The following FRAS1 variants were observed in gnomAD, a reference collection of about 807,000 sequenced individuals.
FRAS1 encodes the protein Fraser extracellular matrix complex subunit 1, also known as extracellular matrix organizing protein FRAS1.
A neutral mutation model predicts 435.2 loss-of-function variants in FRAS1; 290 were observed. The observed-to-expected ratio is 0.67, with a 90% CI of 0.61 to 0.73. The LOEUF (loss-of-function observed/expected upper bound fraction) is 0.73. FRAS1 is among the 30% of genes least tolerant of loss of function. The probability of loss-of-function intolerance (pLI) is 0.00; values close to 1 mark genes in which losing one functional copy is unlikely to be tolerated. For missense variants in FRAS1, 4,860 were observed against 5,001.5 expected, an observed-to-expected ratio of 0.97 and a Z score of 0.85; for synonymous variants, 1,800 against 1,851.0, an observed-to-expected ratio of 0.97 and a Z score of 0.71.
intron 26 of FRAS1, among the ~76,000 whole-genome samples, chr4:78,377,759 A>G (rs1489284195): frequency 6.6e-6 from 1 of 152,158 alleles, no homozygotes; most frequent in African/African-American, 2.4e-5. Flanking sequence ...GCATCAGGAT[A>G]GGACTGTGGT....
At chr4:78,222,832 T>A (rs888489688) in intron 2 of FRAS1, among the ~76,000 whole-genome samples, 1 of 152,222 alleles carries the variant, frequency 6.6e-6, no homozygotes, top group Admixed American at 6.5e-5. Flanking sequence ...GCCAATTGAC[T>A]AGTACTGTCA....
In FRAS1 at chr4:78,481,827, C is replaced by T. The variant is rs372605917; in HGVS notation, c.8467C>T (p.Arg2823Cys). The change falls in exon 57 of 74, where the codon CGC becomes TGC. Residue 2823 changes from arginine to cysteine, a missense_variant. Arg to Cys is a radical substitution (Grantham distance 180). Coordinates refer to ENST00000512123, the MANE Select transcript of FRAS1 (RefSeq NM_025074.7). The part of the protein sequence containing the change: ...DAGTVKIPVI[R>C]HGTDLSTFAS... ...AGGCACAGTAAAGATTCCAGTTATC[C>T]GCCATGGTACTGACCTCTCTACTTT... 18 of 1,613,712 alleles carry T rather than the reference C, an allele frequency of 1.1e-5. No individual in the cohort carries two copies. The highest frequency in any genetic ancestry group is 4.5e-5 in the East Asian group (2 of 44,876).
chr4:78,183,329 A>G (rs1722117332), intron 2 of FRAS1, among the ~76,000 whole-genome samples: 1 of 152,182 alleles, frequency 6.6e-6, no homozygotes, highest in Non-Finnish European at 1.5e-5. Flanking sequence ...AAAGTCTCCA[A>G]CCACAAGAAC....
intron 67 of FRAS1, among the ~76,000 whole-genome samples, chr4:78,519,949 ATTG>A (rs1244542534): frequency 6.6e-6 from 1 of 152,194 alleles, no homozygotes; most frequent in East Asian, 1.9e-4. Flanking sequence ...CTGCTCTTTA[ATTG>A]CATCCTCCAA....
chr4:78,363,281 A>G (rs1475399096), intron 20 of FRAS1, among the ~76,000 whole-genome samples: 1 of 152,208 alleles, frequency 6.6e-6, no homozygotes, highest in Non-Finnish European at 1.5e-5. Flanking sequence ...TCCGTTGGAA[A>G]GGGATGAAAA....
chr4:78,513,576 G>C lies in FRAS1; in HGVS notation c.10174+24G>C, dbSNP rs954780078. ...AGGTGAGATTGACAAGTTCAGGACT[G>C]GTCTTTCCATGCTAGCCCAGTGCAG... On this transcript the variant is annotated intron_variant, in intron 65 of 73. Transcript: ENST00000512123. 1.9e-6 allele frequency: 3 copies of C among 1,606,060 alleles called. No homozygotes were observed. In the African/African-American group the frequency reaches 4.0e-5, roughly 21 times the overall value.
intron 30 of FRAS1, among the ~76,000 whole-genome samples, chr4:78,403,718 T>G (rs1164992046): frequency 6.6e-6 from 1 of 152,178 alleles, no homozygotes; most frequent in African/African-American, 2.4e-5. Context: ...TTCCTCAACT[T>G]ACACCCTGTT....
intron 24 of FRAS1, 109 bp downstream of exon 24, chr4:78,372,967 C>T (rs545872856): frequency 1.3e-5 from 17 of 1,260,430 alleles, no homozygotes; most frequent in Non-Finnish European, 1.7e-5. Context: ...GCTTTTTACC[C>T]CATTTCTGGT....
chr4:78,244,266 GCA>G (rs150065328), intron 3 of FRAS1, among the ~76,000 whole-genome samples: 1 of 150,410 alleles, frequency 6.6e-6, no homozygotes. Flanking sequence ...TAACACACAC[GCA>G]CACACACACA....
intron 2 of FRAS1, among the ~76,000 whole-genome samples, chr4:78,117,184 T>A (rs779219090): frequency 6.6e-6 from 1 of 152,194 alleles, no homozygotes; most frequent in Non-Finnish European, 1.5e-5. Flanking sequence ...GCTTGTAGAG[T>A]TTCTGCCAAG....
intron 2 of FRAS1, chr4:78,181,457 C>T: frequency 6.2e-7 from 1 of 1,611,882 alleles, no homozygotes; most frequent in South Asian, 1.1e-5. Flanking sequence ...ATCACTTCCA[C>T]TATGCCTATC....
intron 29 of FRAS1, among the ~76,000 whole-genome samples, chr4:78,390,102 G>T (rs1020557085): frequency 6.6e-6 from 1 of 152,178 alleles, no homozygotes; most frequent in Non-Finnish European, 1.5e-5. Flanking sequence ...TGCAATACTG[G>T]CAACATTATA....
intron 73 of FRAS1, among the ~76,000 whole-genome samples, chr4:78,539,851 A>G (rs899272054): frequency 1.3e-5 from 2 of 152,260 alleles, no homozygotes; most frequent in African/African-American, 4.8e-5. Flanking sequence ...AAACACAAAT[A>G]CCTTAAGTCT....
At chr4:78,212,387 A>G (rs1489370514) in intron 2 of FRAS1, among the ~76,000 whole-genome samples, 1 of 152,124 alleles carries the variant, frequency 6.6e-6, no homozygotes, top group Non-Finnish European at 1.5e-5. Context: ...ATGTACCCCC[A>G]AAACCAAGTC....
chr4:78,080,743 C>T (rs1486545167), intron 2 of FRAS1, among the ~76,000 whole-genome samples: 4 of 152,174 alleles, frequency 2.6e-5, no homozygotes, highest in South Asian at 2.1e-4. Context: ...CTTTACCACT[C>T]GAAATTCCTT....
chr4:78,523,562 A>G (rs969095807), intron 69 of FRAS1, among the ~76,000 whole-genome samples: 1 of 152,204 alleles, frequency 6.6e-6, no homozygotes, highest in Non-Finnish European at 1.5e-5. Flanking sequence ...TATGATCCCC[A>G]TTTTATAGGT....
chr4:78,492,958 C>G (rs1720406787), intron 59 of FRAS1, among the ~76,000 whole-genome samples: 1 of 152,066 alleles, frequency 6.6e-6, no homozygotes, highest in African/African-American at 2.4e-5. Flanking sequence ...AACAAATTTA[C>G]AAGGAAAAAA....
chr4:78,387,060 C>G (rs971097253), intron 28 of FRAS1, among the ~76,000 whole-genome samples: 1 of 152,090 alleles, frequency 6.6e-6, no homozygotes, highest in Non-Finnish European at 1.5e-5. Context: ...TCTTATTAGT[C>G]TCTTTTGGGA....
intron 2 of FRAS1, among the ~76,000 whole-genome samples, chr4:78,130,397 A>G (rs1719626080): frequency 6.6e-6 from 1 of 152,196 alleles, no homozygotes; most frequent in African/African-American, 2.4e-5. Context: ...AATGGCTTTA[A>G]TAGTACTGAT....
Sources: allele counts gnomAD v4.1 joint callset (sites outside exome capture counted in the v4.1 genomes callset), GRCh38; gene constraint gnomAD v4.1.1; transcripts MANE v1.5; gene names NCBI Gene and HGNC (gene_info 2026-07-23, HGNC 2026-07-21).